Variants in PARM1 observed in about 807,000 individuals in gnomAD.
PARM1 encodes WSC4, cell wall integrity and stress response component 4 homolog.
PARM1 carries 14 observed loss-of-function variants against 24.6 expected under a neutral mutation model. The ratio of observed to expected loss-of-function variants is 0.57; its 90% CI spans 0.38 to 0.89. PARM1 has a LOEUF of 0.89. PARM1 is among the 40% of genes least tolerant of loss of function. The pLI is 0.00. For missense variants in PARM1, 362 were observed against 380.4 expected (o/e 0.95, Z 0.40); for synonymous variants, 179 against 156.6 (o/e 1.14, Z -1.07).
intron 1 of PARM1, among the ~76,000 whole-genome samples, chr4:74,951,268 G>T (rs542064117): frequency 1.3e-5 from 2 of 152,130 alleles, no homozygotes; most frequent in South Asian, 4.2e-4. Flanking sequence ...TTACAACACC[G>T]TATCATTTAC....
At chr4:75,028,300 G>A (rs1291643567) in intron 2 of PARM1, among the ~76,000 whole-genome samples, 1 of 152,218 alleles carries the variant, frequency 6.6e-6, no homozygotes, top group Non-Finnish European at 1.5e-5. Context: ...CACACACAGA[G>A]TTCTAACTGT....
chr4:74,958,558 T>C (rs1352792129), intron 1 of PARM1, among the ~76,000 whole-genome samples: 1 of 152,180 alleles, frequency 6.6e-6, no homozygotes, highest in Non-Finnish European at 1.5e-5. Flanking sequence ...AAAGGTCCAG[T>C]GTCCACAAGA....
chr4:75,003,321 GA>G (rs879669555), intron 1 of PARM1, among the ~76,000 whole-genome samples: 2,687 of 117,418 alleles, frequency 0.023, 52 homozygotes, highest in African/African-American at 0.07. Context: ...TGCATCTAAG[GA>G]AAAAAAAAAA....
At chr4:74,957,835 A>T (rs920897733) in intron 1 of PARM1, among the ~76,000 whole-genome samples, 2 of 152,060 alleles carry the variant, frequency 1.3e-5, no homozygotes, top group Non-Finnish European at 2.9e-5. Flanking sequence ...TCAGGGAGGG[A>T]TTGAAGCTAG....
At chr4:75,028,501 T>G (rs1723221344) in intron 2 of PARM1, among the ~76,000 whole-genome samples, 1 of 152,144 alleles carries the variant, frequency 6.6e-6, no homozygotes, top group Admixed American at 6.5e-5. Flanking sequence ...GACCAGGAAG[T>G]GGAAAGAAAA....
rs1723673513 is a variant in PARM1, at chr4:75,049,372, T to C, written c.*3125T>C. ...AAATACTTATAGACAGTTTAACTAT[T>C]ACATAGATATATAAGTGATCTCAGT... On this transcript the variant is annotated 3_prime_UTR_variant, in exon 4 of 4. Coordinates refer to ENST00000307428, the MANE Select transcript of PARM1 (RefSeq NM_015393.4). 5.3e-5 allele frequency: 8 copies of C among 152,250 alleles called. No individual in the cohort carries two copies. The South Asian group carries it at 1.7e-3, about 31-fold the overall frequency. The allele number at this position is 152,250 out of a possible 1,614,324, so 9.4% of individuals were successfully genotyped here. A position where few individuals can be genotyped will look rare whatever the true frequency, so the allele number is the denominator to read the frequency against.
intron 1 of PARM1, among the ~76,000 whole-genome samples, chr4:74,999,684 C>T (rs1038995290): frequency 6.6e-6 from 1 of 152,116 alleles, no homozygotes; most frequent in African/African-American, 2.4e-5. Context: ...GTAAACTAAG[C>T]AACGCATAAA....
chr4:75,008,884 C>T (rs978712123), intron 1 of PARM1, among the ~76,000 whole-genome samples: 9 of 151,980 alleles, frequency 5.9e-5, no homozygotes, highest in African/African-American at 1.9e-4. Flanking sequence ...CCTCCATCTG[C>T]CTATCTATTA....
At position 74,960,662 on chromosome 4, in the gene PARM1, A is replaced by C. The variant is rs552326625; in HGVS notation, c.43+27292A>C. ...AAGTATGTGTGGCCCATTCAAAGGGAAAAATAACCCAATAGAAACATACCT... is the reference window on the plus strand; with the variant it reads ...AAGTATGTGTGGCCCATTCAAAGGGCAAAATAACCCAATAGAAACATACCT... On this transcript the variant is annotated intron_variant, in intron 1 of 3. Transcript: ENST00000307428. Among the ~76,000 whole-genome samples, 38 of 152,268 alleles carry C rather than the reference A, an allele frequency of 2.5e-4. No homozygotes were observed. In the South Asian group the frequency reaches 6.9e-3, roughly 27 times the overall value.
At chr4:74,973,040 A>G (rs1340729616) in intron 1 of PARM1, among the ~76,000 whole-genome samples, 2 of 152,110 alleles carry the variant, frequency 1.3e-5, no homozygotes, top group Non-Finnish European at 1.5e-5. Flanking sequence ...CACACCTCAC[A>G]GTGTTATTCT....
At chr4:75,024,308 G>A (rs1723142724) in intron 2 of PARM1, among the ~76,000 whole-genome samples, 1 of 152,034 alleles carries the variant, frequency 6.6e-6, no homozygotes, top group Non-Finnish European at 1.5e-5. Context: ...TTAATGACAT[G>A]GAGTAAGGCT....
At chr4:75,006,021 C>T (rs1328913278) in intron 1 of PARM1, among the ~76,000 whole-genome samples, 1 of 152,202 alleles carries the variant, frequency 6.6e-6, no homozygotes, top group Middle Eastern at 3.2e-3. Context: ...TCACCTCTAA[C>T]TGAGAAAGTA....
intron 1 of PARM1, among the ~76,000 whole-genome samples, chr4:74,982,290 G>T (rs1334123048): frequency 2.6e-5 from 4 of 152,114 alleles, no homozygotes; most frequent in Non-Finnish European, 5.9e-5. Flanking sequence ...ACTGGGGCCT[G>T]TCAGGGTCGG....
At chr4:74,998,555 C>A (rs1722618527) in intron 1 of PARM1, among the ~76,000 whole-genome samples, 1 of 152,152 alleles carries the variant, frequency 6.6e-6, no homozygotes, top group Non-Finnish European at 1.5e-5. Context: ...AAGCATGGCT[C>A]CCCACATTGA....
At chr4:75,039,118 T>A (rs1723427866) in intron 3 of PARM1, among the ~76,000 whole-genome samples, 1 of 152,266 alleles carries the variant, frequency 6.6e-6, no homozygotes, top group Non-Finnish European at 1.5e-5. Context: ...GAATTTGTTA[T>A]ACACAGTTGA....
chr4:74,934,488 A>G (rs192000907), intron 1 of PARM1, among the ~76,000 whole-genome samples: 10 of 152,344 alleles, frequency 6.6e-5, no homozygotes, highest in Admixed American at 3.9e-4. Flanking sequence ...CACAGTGGGT[A>G]ATGCAGTTAT....
chr4:75,029,072 G>T (rs1330083492), intron 2 of PARM1, among the ~76,000 whole-genome samples: 1 of 152,180 alleles, frequency 6.6e-6, no homozygotes, highest in African/African-American at 2.4e-5. Flanking sequence ...GTGTGATCAA[G>T]AAAAGGGGCC....
intron 1 of PARM1, among the ~76,000 whole-genome samples, chr4:75,000,230 A>G (rs867804042): frequency 5.9e-5 from 9 of 152,360 alleles, no homozygotes; most frequent in African/African-American, 2.2e-4. Flanking sequence ...GACAGAGGTT[A>G]ACATAGTAGC....
chr4:74,981,084 A>C (rs1369380896), intron 1 of PARM1, among the ~76,000 whole-genome samples: 2 of 152,226 alleles, frequency 1.3e-5, no homozygotes, highest in African/African-American at 2.4e-5. Context: ...GTCAAAAGCA[A>C]TTGCAACAAA....
Sources: gnomAD v4.1 joint callset for allele counts (sites outside exome capture counted in the v4.1 genomes callset) on GRCh38, gnomAD v4.1.1 for gene constraint, MANE v1.5 for transcripts, NCBI Gene and HGNC (gene_info 2026-07-23, HGNC 2026-07-21) for gene names.